USP29: variants seen among roughly 807,000 people sequenced by gnomAD.
The protein encoded by USP29 is ubiquitin specific peptidase 29.
For missense variants in USP29, 1,102 were observed against 1,069.0 expected (o/e 1.03, Z -0.43); for synonymous variants, 386 against 387.4 (o/e 1.00, Z 0.04).
At chr19:57,121,543 G>T (rs1004506699) in intron 1 of USP29, among the ~76,000 whole-genome samples, 1 of 140,344 alleles carries the variant, frequency 7.1e-6, no homozygotes, top group Non-Finnish European at 1.5e-5. Context: ...ACTTATATAT[G>T]CTATGTATAC....
At chr19:57,121,118 CA>C (rs77731254) in intron 1 of USP29, among the ~76,000 whole-genome samples, 10,608 of 125,524 alleles carry the variant, frequency 0.085, 798 homozygotes, top group East Asian at 0.44. Flanking sequence ...CACCTCCCGC[CA>C]AAAAAAAAAA....
At chr19:57,119,176 G>T (rs1157371132), upstream of USP29, 1 of 152,242 alleles carries the variant, frequency 6.6e-6, no homozygotes, top group Non-Finnish European at 1.5e-5. Context: ...CGCGCCCAAA[G>T]CGACCCTCTG....
rs866624102 is a variant in USP29, at chr19:57,129,207, C to T, written c.532C>T (p.Gln178Ter). 3 of 1,612,320 alleles carry T rather than the reference C, an allele frequency of 1.9e-6. No homozygotes were observed. In the African/African-American group the frequency reaches 4.0e-5, roughly 22 times the overall value. The change falls in exon 4 of 4, where the codon CAG (glutamine) becomes TAG (stop). Residue 178 changes from glutamine to a stop codon, truncating the protein, a stop_gained. Coordinates refer to ENST00000254181, the MANE Select transcript of USP29 (RefSeq NM_020903.3). LOFTEE classifies it low-confidence loss of function (END_TRUNC). Reference sequence around the variant, plus strand: ...GCAAAACACACTATCATCTGATGTACAGACAAATGAGGACATTCTGAAGGA... The same window carrying T: ...GCAAAACACACTATCATCTGATGTATAGACAAATGAGGACATTCTGAAGGA... ...KGQNTLSSDV[Q>*]TNEDILKEDN...
chr19:57,128,817 A>G lies in USP29; in HGVS notation c.142A>G (p.Ile48Val), dbSNP rs149243472. ...LVVTFKSGKFIRIFQLSNNIR... is the reference protein window; with the variant it reads ...LVVTFKSGKFVRIFQLSNNIR... ...GGTCACTTTCAAATCTGGAAAATTT[A>G]TAAGAATTTTTCAGCTGAGCAACAA... The change falls in exon 4 of 4, where the codon ATA (isoleucine) becomes GTA (valine). Residue 48 changes from isoleucine (I) to valine (V), a missense_variant. Coordinates refer to ENST00000254181, the MANE Select transcript of USP29 (RefSeq NM_020903.3). 3.2e-4 allele frequency: 512 copies of G among 1,613,976 alleles called. No homozygotes were observed. Among genetic ancestry groups the G allele is most frequent in the Non-Finnish European group, 4.2e-4 (492 of 1,180,006 alleles).
Position 57,130,884 on chromosome 19 carries a change from T to C in USP29, c.2209T>C (p.Cys737Arg). ...SQGMAEQLQQ[C>R]IEESIIDEFL... is the part of the protein sequence containing the mutation. ...AGGAATGGCTGAACAGCTCCAGCAG[T>C]GTATTGAGGAGAGCATCATAGATGA... Residue 737 changes from cysteine to arginine, a missense_variant, in exon 4 of 4, where the codon TGT becomes CGT. Cys to Arg is a radical substitution (Grantham distance 180). Coordinates refer to ENST00000254181, the MANE Select transcript of USP29 (RefSeq NM_020903.3). 1 of 1,614,036 alleles carries C rather than the reference T, an allele frequency of 6.2e-7. No homozygotes were observed. The highest frequency in any genetic ancestry group is 8.5e-7 in the Non-Finnish European group (1 of 1,180,016).
intron 3 of USP29, 63 bp downstream of exon 3, chr19:57,124,202 T>C (rs1178603845): frequency 4.6e-5 from 7 of 152,122 alleles, no homozygotes; most frequent in Non-Finnish European, 1.0e-4. Context: ...TTTCCTGAAA[T>C]TGGAATGTTG....
intron 1 of USP29, among the ~76,000 whole-genome samples, chr19:57,120,811 A>AAAAAAAAAAAG (rs2086791368): frequency 6.8e-6 from 1 of 147,652 alleles, no homozygotes; most frequent in Non-Finnish European, 1.5e-5. Context: ...AAAAAAAAAA[A>AAAAAAAAAAAG]AACAGAAAAA....
chr19:57,128,608 A>G, intron 3 of USP29, 52 bp from the exon 4 acceptor site: 3 of 1,474,400 alleles, frequency 2.0e-6, no homozygotes, highest in Non-Finnish European at 1.8e-6. Flanking sequence ...TTCATAAAAT[A>G]TAACTGTTAA....
intron 1 of USP29, among the ~76,000 whole-genome samples, chr19:57,121,531 A>G (rs2086796697): frequency 7.0e-6 from 1 of 143,814 alleles, no homozygotes; most frequent in Non-Finnish European, 1.5e-5. Flanking sequence ...TATGCTATAT[A>G]TACTTATATA....
intron 1 of USP29, among the ~76,000 whole-genome samples, chr19:57,120,919 C>T (rs545705268): frequency 1.3e-5 from 2 of 150,880 alleles, no homozygotes; most frequent in Admixed American, 1.3e-4. Context: ...CATAGCGAAA[C>T]CCCGTCTCTA....
At chr19:57,119,374 C>G (rs1172433492), upstream of USP29, among the ~76,000 whole-genome samples, 1 of 152,288 alleles carries the variant, frequency 6.6e-6, no homozygotes, top group African/African-American at 2.4e-5. Context: ...AAGTCTCTTC[C>G]GCACCCTCTC....
Position 57,120,788 on chromosome 19 carries a change from C to CAAAAAAAAAAAA in USP29, c.-268+573_-268+584dup, listed in dbSNP as rs71293954. 7.1e-4 allele frequency among the ~76,000 whole-genome samples: 22 copies of CAAAAAAAAAAAA among 31,144 alleles called. 1 individual carries two copies. The highest frequency in any genetic ancestry group is 0.038 in the Middle Eastern group (1 of 26). The allele number at this position is 31,144 out of a possible 152,430, so 20.4% of individuals were successfully genotyped here. ...GGCGACAGAGCGAGAGACTCCGTCT[C>CAAAAAAAAAAAA]AAAAAAAAAAAAAAAAAAAAAAAAA... On this transcript the variant is annotated intron_variant, in intron 1 of 3. Transcript: ENST00000254181.
chr19:57,131,655 A>G lies in USP29; in HGVS notation c.*211A>G. On this transcript the variant is annotated 3_prime_UTR_variant, in exon 4 of 4. Coordinates refer to ENST00000254181, the MANE Select transcript of USP29 (RefSeq NM_020903.3). ...CGCATATGCATATTTTCCCTGCAAG[A>G]TTAGAATGGTGCTCTTCACGTTTTG... 1.4e-6 allele frequency: 1 copy of G among 715,786 alleles called. No homozygotes were observed. Among genetic ancestry groups the G allele is most frequent in the South Asian group, 2.7e-5 (1 of 36,544 alleles). 44.3% of individuals were successfully genotyped at this position (715,786 alleles called of 1,614,324 possible). A position where few individuals can be genotyped will look rare whatever the true frequency, so the allele number is the denominator to read the frequency against.
chr19:57,126,406 G>A lies in USP29; in HGVS notation c.-16-2254G>A, dbSNP rs1298621104. Among the ~76,000 whole-genome samples, 4 of 152,050 alleles carry A rather than the reference G, an allele frequency of 2.6e-5. No individual in the cohort carries two copies. In the East Asian group the frequency reaches 5.8e-4, roughly 22 times the overall value. Reference sequence around the variant, plus strand: ...CTTTCAGGTATACCAATCAATCGTAGGTTTGGTCTTTTCACATAGTCCCAT... The same window carrying A: ...CTTTCAGGTATACCAATCAATCGTAAGTTTGGTCTTTTCACATAGTCCCAT... On this transcript the variant is annotated intron_variant, in intron 3 of 3. Coordinates refer to ENST00000254181, the MANE Select transcript of USP29 (RefSeq NM_020903.3).
intron 1 of USP29, among the ~76,000 whole-genome samples, chr19:57,121,964 GATA>G (rs2086799915): frequency 6.6e-6 from 1 of 151,222 alleles, no homozygotes; most frequent in African/African-American, 2.4e-5. Context: ...TAGATAGATA[GATA>G]GATAGATAGA....
chr19:57,121,695 A>G (rs2086798223), intron 1 of USP29, among the ~76,000 whole-genome samples: 1 of 147,472 alleles, frequency 6.8e-6, no homozygotes, highest in Admixed American at 6.9e-5. Context: ...ATGTACTTAC[A>G]TATGTTATAT....
intron 1 of USP29, among the ~76,000 whole-genome samples, chr19:57,121,904 A>G (rs1167811265): frequency 1.3e-5 from 2 of 151,692 alleles, no homozygotes; most frequent in Non-Finnish European, 1.5e-5. Flanking sequence ...ACTGGAGGTC[A>G]GGAGTTCGAG....
At chr19:57,121,428 CTTATG>C (rs1257460413) in intron 1 of USP29, among the ~76,000 whole-genome samples, 8 of 119,184 alleles carry the variant, frequency 6.7e-5, no homozygotes, top group African/African-American at 1.7e-4. Flanking sequence ...GTTATATATA[CTTATG>C]TTATATACTT....
chr19:57,121,159 G>A (rs931815970), intron 1 of USP29, among the ~76,000 whole-genome samples: 2 of 150,894 alleles, frequency 1.3e-5, no homozygotes, highest in Non-Finnish European at 2.9e-5. Context: ...AAAAATAAAA[G>A]TACTACACTT....
Sources: allele counts gnomAD v4.1 joint callset (sites outside exome capture counted in the v4.1 genomes callset), GRCh38; gene constraint gnomAD v4.1.1; transcripts MANE v1.5; gene names NCBI Gene and HGNC (gene_info 2026-07-23, HGNC 2026-07-21).